Variants in PID1 observed in about 807,000 individuals in gnomAD.
PID1 encodes PTB-containing, cubilin and LRP1-interacting protein.
In PID1, 10 loss-of-function variants were observed where a neutral mutation model predicts 19.1. That is an observed-to-expected ratio of 0.52 (90% CI 0.32 to 0.89). The LOEUF is 0.89. Ranked by LOEUF, PID1 falls within the 40% of genes least tolerant of loss-of-function variation. PID1 has a pLI of 0.03. For missense variants in PID1, 248 were observed against 285.3 expected, an observed-to-expected ratio of 0.87 and a Z score of 0.94; for synonymous variants, 130 against 116.0, an observed-to-expected ratio of 1.12 and a Z score of -0.78.
intron 2 of PID1, among the ~76,000 whole-genome samples, chr2:229,076,018 T>C (rs568127145): frequency 2.6e-5 from 4 of 152,336 alleles, no homozygotes; most frequent in African/African-American, 9.6e-5. Flanking sequence ...TGGTTGTCTA[T>C]GCCATACCAT....
chr2:229,157,344 C>T (rs991480513), intron 1 of PID1, among the ~76,000 whole-genome samples: 2 of 151,522 alleles, frequency 1.3e-5, no homozygotes, highest in African/African-American at 4.9e-5. Context: ...GCAGGAGAAT[C>T]GCTTGAACCT....
rs1430252640 is a variant in PID1, at chr2:229,177,385, A to G, written c.31-21421T>C. 3.3e-5 allele frequency among the ~76,000 whole-genome samples: 5 copies of G among 152,352 alleles called. No homozygotes were observed. In the East Asian group the frequency reaches 7.7e-4, roughly 24 times the overall value. On this transcript the variant is annotated intron_variant, in intron 1 of 2. Coordinates refer to ENST00000392055, the MANE Select transcript of PID1 (RefSeq NM_001100818.2). ...TAGAACAGGTAGCCCAGGTCCCAAC[A>G]TCAGGCAAGAGCTTCAAAGTTAGCC...
chr2:229,199,253 G>A (rs1375738918), intron 1 of PID1, among the ~76,000 whole-genome samples: 2 of 151,966 alleles, frequency 1.3e-5, no homozygotes, highest in South Asian at 2.1e-4. Flanking sequence ...CAAGTATCAC[G>A]TTGCTTTCTT....
intron 2 of PID1, among the ~76,000 whole-genome samples, chr2:229,141,376 G>GA (rs1403145810): frequency 6.6e-6 from 1 of 152,074 alleles, no homozygotes; most frequent in Admixed American, 6.6e-5. Flanking sequence ...GAAATCTCTG[G>GA]AAGGAGAATA....
chr2:229,028,397 A>C (rs917954401), intron 2 of PID1, among the ~76,000 whole-genome samples: 1 of 152,248 alleles, frequency 6.6e-6, no homozygotes, highest in African/African-American at 2.4e-5. Context: ...ACTCATGTGG[A>C]CAATCTGTGA....
intron 1 of PID1, among the ~76,000 whole-genome samples, chr2:229,208,329 C>A (rs1691653666): frequency 6.6e-6 from 1 of 152,208 alleles, no homozygotes; most frequent in East Asian, 1.9e-4. Context: ...TCTTAGATCA[C>A]CACTTTATCT....
chr2:229,079,786 C>A (rs1694634760), intron 2 of PID1, among the ~76,000 whole-genome samples: 1 of 152,174 alleles, frequency 6.6e-6, no homozygotes, highest in Admixed American at 6.5e-5. Flanking sequence ...GAGCCTGGGA[C>A]CAAGGGGCTG....
intron 2 of PID1, among the ~76,000 whole-genome samples, chr2:229,104,342 A>G (rs1695132348): frequency 6.6e-6 from 1 of 152,238 alleles, no homozygotes; most frequent in South Asian, 2.1e-4. Flanking sequence ...TACTATGAAC[A>G]GCATATTGAA....
chr2:229,090,367 A>C (rs116819045), intron 2 of PID1, among the ~76,000 whole-genome samples: 641 of 152,288 alleles, frequency 4.2e-3, no homozygotes, highest in African/African-American at 0.014. Context: ...GAATACACAC[A>C]AGGCATTGAG....
intron 1 of PID1, among the ~76,000 whole-genome samples, chr2:229,167,307 T>C (rs1000610808): frequency 6.6e-6 from 1 of 152,176 alleles, no homozygotes; most frequent in Non-Finnish European, 1.5e-5. Flanking sequence ...AGAACTTTAC[T>C]TTGGCAAAAC....
intron 1 of PID1, among the ~76,000 whole-genome samples, chr2:229,259,274 T>C (rs1300688341): frequency 6.6e-6 from 1 of 152,210 alleles, no homozygotes; most frequent in Admixed American, 6.5e-5. Flanking sequence ...TCCTTTAATA[T>C]ATACATGAGA....
chr2:229,122,038 C>G (rs1047640113), intron 2 of PID1, among the ~76,000 whole-genome samples: 1 of 152,090 alleles, frequency 6.6e-6, no homozygotes, highest in African/African-American at 2.4e-5. Context: ...AGAGAATGAG[C>G]TATGAAAATA....
intron 1 of PID1, among the ~76,000 whole-genome samples, chr2:229,258,675 G>A (rs538433825): frequency 3.3e-5 from 5 of 151,996 alleles, no homozygotes; most frequent in Non-Finnish European, 7.4e-5. Context: ...TGGCTAACAC[G>A]GTGAAACCCC....
At chr2:229,168,119 G>T (rs900274680) in intron 1 of PID1, among the ~76,000 whole-genome samples, 4 of 151,986 alleles carry the variant, frequency 2.6e-5, no homozygotes, top group African/African-American at 9.7e-5. Context: ...TCAACTGTTT[G>T]GATATAATGA....
At chr2:229,111,506 C>A (rs1695298420) in intron 2 of PID1, among the ~76,000 whole-genome samples, 1 of 152,140 alleles carries the variant, frequency 6.6e-6, no homozygotes, top group African/African-American at 2.4e-5. Flanking sequence ...TATTTGAAAT[C>A]TGCCTTCTAG....
At chr2:229,199,302 G>A (rs1200805361) in intron 1 of PID1, among the ~76,000 whole-genome samples, 1 of 151,956 alleles carries the variant, frequency 6.6e-6, no homozygotes, top group Non-Finnish European at 1.5e-5. Context: ...CTGATGTTAT[G>A]TTGTTATACT....
intron 1 of PID1, among the ~76,000 whole-genome samples, chr2:229,192,601 A>G (rs1479265185): frequency 6.6e-6 from 1 of 152,228 alleles, no homozygotes; most frequent in African/African-American, 2.4e-5. Context: ...GTTAACAACA[A>G]AAGTATCTTA....
chr2:229,239,410 C>A (rs1342754276), intron 1 of PID1, among the ~76,000 whole-genome samples: 1 of 152,072 alleles, frequency 6.6e-6, no homozygotes, highest in African/African-American at 2.4e-5. Flanking sequence ...GAGGAATGCC[C>A]ACCTTGCCCT....
chr2:229,146,383 G>A (rs192509379), intron 2 of PID1, among the ~76,000 whole-genome samples: 2 of 152,164 alleles, frequency 1.3e-5, no homozygotes, highest in Non-Finnish European at 2.9e-5. Flanking sequence ...TGCATGCAGG[G>A]CTTAAAACCT....
Sources: allele counts gnomAD v4.1 joint callset (sites outside exome capture counted in the v4.1 genomes callset), GRCh38; gene constraint gnomAD v4.1.1; transcripts MANE v1.5; gene names NCBI Gene and HGNC (gene_info 2026-07-23, HGNC 2026-07-21).